CCDC3: variants seen among roughly 807,000 people sequenced by gnomAD.
CCDC3 encodes the protein coiled-coil domain containing 3.
CCDC3 carries 24 observed loss-of-function variants against 21.4 expected under a neutral mutation model. That is an observed-to-expected ratio of 1.12 (90% CI 0.81 to 1.58). The LOEUF (loss-of-function observed/expected upper bound fraction) is 1.58. Among genes scored for constraint, CCDC3 ranks in the 40% most tolerant of loss-of-function variants. The probability of loss-of-function intolerance (pLI) is 0.00; values close to 1 mark genes in which losing one functional copy is unlikely to be tolerated. For synonymous variants in CCDC3, 186 were observed against 166.0 expected (o/e 1.12, Z -0.93); for missense variants, 425 against 360.9 (o/e 1.18, Z -1.44).
At chr10:13,088,507 G>A (rs1837139804) in intron 3 of CCDC3, among the ~76,000 whole-genome samples, 1 of 152,122 alleles carries the variant, frequency 6.6e-6, no homozygotes. Context: ...ATCATATTGA[G>A]AAATAGGTTT....
In CCDC3 at chr10:12,933,538, C is replaced by T. The variant is rs191532952; in HGVS notation, c.550-34859G>A. On this transcript the variant is annotated intron_variant, in intron 2 of 2. Coordinates refer to ENST00000378825, the MANE Select transcript of CCDC3 (RefSeq NM_031455.4). ...AGTGGCATGATTTTGGCTCACTGCA[C>T]CCTCTGCCTTCTGGGTTCAAGAGAG... Among the ~76,000 whole-genome samples the T allele has an allele frequency of 2.5e-3, 370 of 150,658 alleles. 1 individual carries two copies. Among genetic ancestry groups the T allele is most frequent in the Non-Finnish European group, 4.2e-3 (282 of 67,832 alleles).
intron 4 of CCDC3, among the ~76,000 whole-genome samples, chr10:13,061,296 G>C (rs1217094299): frequency 6.6e-6 from 1 of 152,172 alleles, no homozygotes; most frequent in Non-Finnish European, 1.5e-5. Context: ...TGGGCTTCCG[G>C]TGATGATCTA....
At chr10:12,969,587 C>G (rs1835310991) in intron 2 of CCDC3, among the ~76,000 whole-genome samples, 1 of 150,704 alleles carries the variant, frequency 6.6e-6, no homozygotes, top group Non-Finnish European at 1.5e-5. Context: ...GAAAAAGAAG[C>G]CAACCTAAGT....
At chr10:13,091,387 G>C (rs1403978710) in intron 3 of CCDC3, among the ~76,000 whole-genome samples, 1 of 152,136 alleles carries the variant, frequency 6.6e-6, no homozygotes, top group Non-Finnish European at 1.5e-5. Flanking sequence ...CCAGAGAGCT[G>C]CATCAACCCT....
intron 2 of CCDC3, among the ~76,000 whole-genome samples, chr10:12,929,258 T>C (rs1232564012): frequency 4.2e-5 from 2 of 47,536 alleles, no homozygotes; most frequent in Non-Finnish European, 3.6e-5. Context: ...TGAGATTCCA[T>C]CTCAAAAAAA....
At chr10:13,075,037 G>A (rs1263576599) in intron 3 of CCDC3, among the ~76,000 whole-genome samples, 1 of 152,154 alleles carries the variant, frequency 6.6e-6, no homozygotes, top group African/African-American at 2.4e-5. Flanking sequence ...AACAATCGTA[G>A]GCGGGGAACA....
intron 2 of CCDC3, among the ~76,000 whole-genome samples, chr10:12,936,413 A>T (rs1334020797): frequency 6.6e-6 from 1 of 151,998 alleles, no homozygotes; most frequent in Non-Finnish European, 1.5e-5. Context: ...GCTGGAGTGC[A>T]GTGGGTGTGA....
chr10:12,942,996 G>C (rs1192210089), intron 2 of CCDC3, among the ~76,000 whole-genome samples: 2 of 151,998 alleles, frequency 1.3e-5, no homozygotes, highest in Non-Finnish European at 2.9e-5. Flanking sequence ...CTACAACAGA[G>C]GGCTCTGTCT....
intron 2 of CCDC3, among the ~76,000 whole-genome samples, chr10:12,913,758 T>G (rs1374244414): frequency 2.0e-5 from 3 of 152,250 alleles, no homozygotes; most frequent in African/African-American, 7.2e-5. Flanking sequence ...ACATTCCTTC[T>G]ATACCTAATT....
At chr10:12,940,801 G>A (rs1350766587) in intron 2 of CCDC3, among the ~76,000 whole-genome samples, 1 of 152,166 alleles carries the variant, frequency 6.6e-6, no homozygotes, top group African/African-American at 2.4e-5. Context: ...TTCTGCAGAA[G>A]AAAACTGATC....
At chr10:12,974,359 G>A (rs1417114372) in intron 2 of CCDC3, among the ~76,000 whole-genome samples, 3 of 152,314 alleles carry the variant, frequency 2.0e-5, no homozygotes, top group South Asian at 2.1e-4. Context: ...AGAGGTTTCC[G>A]CTGTCCTGCT....
At chr10:13,068,123 C>T (rs1836843660) in intron 4 of CCDC3, among the ~76,000 whole-genome samples, 1 of 152,142 alleles carries the variant, frequency 6.6e-6, no homozygotes, top group African/African-American at 2.4e-5. Context: ...CTGTTTTTCT[C>T]ATGGAACCCC....
At chr10:12,976,804 C>T (rs2131268607) in intron 2 of CCDC3, among the ~76,000 whole-genome samples, 1 of 138,034 alleles carries the variant, frequency 7.2e-6, no homozygotes, top group Non-Finnish European at 1.6e-5. Flanking sequence ...CATTTGTCTA[C>T]ACCCATAGAA....
chr10:13,057,919 A>G, intron 4 of CCDC3: 1 of 542,754 alleles, frequency 1.8e-6, no homozygotes. Context: ...GCTTCTTTTC[A>G]TAGACTGGAT....
At chr10:13,040,572 C>G (rs905162551) in intron 5 of CCDC3, among the ~76,000 whole-genome samples, 1 of 152,110 alleles carries the variant, frequency 6.6e-6, no homozygotes, top group East Asian at 1.9e-4. Flanking sequence ...CGCCTGTAAT[C>G]CCAGCTACTC....
intron 4 of CCDC3, among the ~76,000 whole-genome samples, chr10:13,063,202 T>C (rs1018295316): frequency 9.6e-6 from 1 of 104,386 alleles, no homozygotes. Flanking sequence ...GCCGGCTCTG[T>C]GTGAATTACT....
At chr10:12,937,846 A>G (rs763451135) in intron 2 of CCDC3, among the ~76,000 whole-genome samples, 2 of 152,210 alleles carry the variant, frequency 1.3e-5, no homozygotes, top group Non-Finnish European at 2.9e-5. Context: ...GTCTGCCATC[A>G]TTAAGCCATT....
intron 2 of CCDC3, among the ~76,000 whole-genome samples, chr10:12,977,812 G>A (rs1835438428): frequency 6.6e-6 from 1 of 152,064 alleles, no homozygotes; most frequent in Admixed American, 6.5e-5. Context: ...GCATTTAAAA[G>A]GTAAGAATCA....
chr10:12,910,070 C>T (rs1373689604), intron 2 of CCDC3, among the ~76,000 whole-genome samples: 1 of 152,212 alleles, frequency 6.6e-6, no homozygotes, highest in East Asian at 1.9e-4. Flanking sequence ...ATGACTTGTC[C>T]ACACAGCCAC....
Sources: gnomAD v4.1 joint callset for allele counts (sites outside exome capture counted in the v4.1 genomes callset) on GRCh38, gnomAD v4.1.1 for gene constraint, MANE v1.5 for transcripts, NCBI Gene and HGNC (gene_info 2026-07-23, HGNC 2026-07-21) for gene names.